DMD: variants seen among roughly 807,000 people sequenced by gnomAD.
DMD encodes dystrophin.
Under a neutral mutation model 330.1 loss-of-function variants are expected in DMD, and 63 were observed. That is an observed-to-expected ratio of 0.19 (90% CI 0.16 to 0.24). DMD has a LOEUF of 0.24. Among genes scored for constraint, DMD ranks in the 10% least tolerant of loss-of-function variants. DMD has a pLI of 1.00. For missense variants in DMD, 3,344 were observed against 2,684.1 expected, an observed-to-expected ratio of 1.25 and a Z score of -5.43; for synonymous variants, 1,223 against 959.8, an observed-to-expected ratio of 1.27 and a Z score of -5.07.
intron 60 of DMD, among the ~76,000 whole-genome samples, chrX:31,430,963 C>T (rs1369512214): frequency 2.8e-5 from 3 of 108,120 alleles, no homozygotes; most frequent in Admixed American, 1.0e-4. Flanking sequence ...CCACCATGCC[C>T]GGCTAATGTT....
At chrX:32,920,358 A>G (rs2088272299) in intron 2 of DMD, among the ~76,000 whole-genome samples, 1 of 111,850 alleles carries the variant, frequency 8.9e-6, no homozygotes, top group Non-Finnish European at 1.9e-5. Flanking sequence ...CATTTGTCTC[A>G]GAGCAATGAT....
chrX:31,894,293 T>C (rs1272399134), intron 47 of DMD, among the ~76,000 whole-genome samples: 1 of 112,125 alleles, frequency 8.9e-6, no homozygotes, highest in Non-Finnish European at 1.9e-5. Context: ...TCCTGCCAGA[T>C]AACCTGTGTA....
At chrX:32,523,886 G>A (rs2046676636) in intron 17 of DMD, among the ~76,000 whole-genome samples, 1 of 106,683 alleles carries the variant, frequency 9.4e-6, no homozygotes, top group Non-Finnish European at 1.9e-5. Context: ...AAACAAAGTT[G>A]TTTGTTTTTA....
chrX:32,700,455 G>T (rs776749674), intron 7 of DMD, among the ~76,000 whole-genome samples: 4 of 111,094 alleles, frequency 3.6e-5, no homozygotes, highest in East Asian at 2.8e-4. Flanking sequence ...CAAAATTTCA[G>T]TTAGATAGGA....
At chrX:32,366,924 A>G (rs996815442) in intron 34 of DMD, among the ~76,000 whole-genome samples, 2 of 112,433 alleles carry the variant, frequency 1.8e-5, no homozygotes, top group African/African-American at 6.5e-5. Flanking sequence ...GATGAACTCG[A>G]CAGCTATCAT....
chrX:32,123,364 C>T (rs886114651), intron 44 of DMD, among the ~76,000 whole-genome samples: 9 of 104,799 alleles, frequency 8.6e-5, no homozygotes, highest in Non-Finnish European at 1.8e-4. Flanking sequence ...CACAGATCTG[C>T]GGGCTCCACT....
intron 3 of DMD, among the ~76,000 whole-genome samples, chrX:32,848,186 G>A (rs2080845979): frequency 8.9e-6 from 1 of 111,934 alleles, no homozygotes; most frequent in African/African-American, 3.2e-5. Flanking sequence ...GCCAGGACAA[G>A]ATGAGTAAGC....
At chrX:31,261,227 T>C (rs1188841778) in intron 62 of DMD, 4 of 401,736 alleles carry the variant, frequency 1.0e-5, no homozygotes, top group Non-Finnish European at 1.7e-5. Flanking sequence ...AGAAAAGCAA[T>C]ATAAACATTA....
chrX:31,228,275 T>TAAAAAAAAAAAAAAAAAAA (rs779738772), intron 63 of DMD, among the ~76,000 whole-genome samples: 1 of 83,980 alleles, frequency 1.2e-5, no homozygotes. Context: ...AATAAAAAAA[T>TAAAAAAAAAAAAAAAAAAA]AAAAAAAAAA....
intron 62 of DMD, among the ~76,000 whole-genome samples, chrX:31,272,848 C>G (rs2051767841): frequency 8.9e-6 from 1 of 112,180 alleles, no homozygotes; most frequent in South Asian, 3.7e-4. Flanking sequence ...TTGTTTTCTT[C>G]AAATCCATAA....
intron 44 of DMD, among the ~76,000 whole-genome samples, chrX:32,187,816 G>A (rs1306791326): frequency 2.7e-5 from 3 of 110,183 alleles, no homozygotes; most frequent in Non-Finnish European, 3.8e-5. Flanking sequence ...TCAAATTCCT[G>A]GAGAAAAGAT....
At chrX:31,571,252 GGGGT>G (rs1359769371) in intron 55 of DMD, among the ~76,000 whole-genome samples, 2 of 59,674 alleles carry the variant, frequency 3.4e-5, no homozygotes, top group African/African-American at 2.1e-4. Context: ...AAGATTTAAA[GGGGT>G]GTGTGTGTGT....
chrX:32,178,870 C>T (rs1435323595), intron 44 of DMD, among the ~76,000 whole-genome samples: 2 of 91,501 alleles, frequency 2.2e-5, no homozygotes, highest in Non-Finnish European at 4.2e-5. Flanking sequence ...TGTGTACACA[C>T]GATTCTTGGA....
intron 62 of DMD, among the ~76,000 whole-genome samples, chrX:31,298,533 C>T (rs1429307216): frequency 1.8e-5 from 2 of 111,621 alleles, no homozygotes; most frequent in African/African-American, 3.3e-5. Flanking sequence ...TCCGTCTAAA[C>T]ATGAATGAGA....
chrX:33,176,404 AAGG>A (rs1041093833), intron 1 of DMD, among the ~76,000 whole-genome samples: 7 of 85,308 alleles, frequency 8.2e-5, no homozygotes, highest in African/African-American at 2.5e-4. Flanking sequence ...CAGCTGAAAT[AAGG>A]AGAAGAGTTA....
Position 32,264,782 on chromosome X carries a change from G to A in DMD, c.6290+22747C>T, listed in dbSNP as rs747374513. Among the ~76,000 whole-genome samples the A allele has an allele frequency of 5.4e-5, 6 of 111,807 alleles. No individual in the cohort carries two copies. In the East Asian group the frequency reaches 1.7e-3, roughly 32 times the overall value. On this transcript the variant is annotated intron_variant, in intron 43 of 78. Coordinates refer to ENST00000357033, the MANE Select transcript of DMD (RefSeq NM_004006.3). The stretch of plus-strand genomic sequence containing the variant: ...CTGTCCGAGAGATCTGTGGAATTTT[G>A]AACATGAGAGAGATGATTTAGGGCA...
rs373253790 is a variant in DMD, at chrX:32,844,873, C to T, written c.187-13G>A. On this transcript the variant is annotated splice_polypyrimidine_tract_variant and intron_variant, in intron 3 of 78. Transcript: ENST00000357033. Reference sequence around the variant, plus strand: ...CTTTTTCTTTTGGCTGAGAACAAAACAAAAGAGTGTTCACTGACCAGCAGA... The same window carrying T: ...CTTTTTCTTTTGGCTGAGAACAAAATAAAAGAGTGTTCACTGACCAGCAGA... The T allele has an allele frequency of 1.7e-6, 2 of 1,187,288 alleles. No individual in the cohort carries two copies. The highest frequency in any genetic ancestry group is 3.5e-5 in the African/African-American group (2 of 56,605).
chrX:31,922,495 G>GGTGTGTGTGTGTGTGT lies in DMD; in HGVS notation c.6912+7085_6912+7100dup, dbSNP rs765621749. ...GTTCCAGAGGCCTGGACTTGAGACT[G>GGTGTGTGTGTGTGTGT]GTGTGTGTGTGTGTGTGTGTGTGTG... is the stretch of plus-strand genomic sequence containing the variant. On this transcript the variant is annotated intron_variant, in intron 47 of 78. Coordinates refer to ENST00000357033, the MANE Select transcript of DMD (RefSeq NM_004006.3). Among the ~76,000 whole-genome samples the GGTGTGTGTGTGTGTGT allele has an allele frequency of 2.5e-3, 248 of 97,493 alleles. 3 individuals are homozygous for GGTGTGTGTGTGTGTGT. The highest frequency in any genetic ancestry group is 8.4e-3 in the African/African-American group (210 of 25,042). The allele number at this position is 97,493 out of a possible 115,157, so 84.7% of individuals were successfully genotyped here. A position where few individuals can be genotyped will look rare whatever the true frequency, so the allele number is the denominator to read the frequency against.
At chrX:31,516,824 G>T (rs955870882) in intron 55 of DMD, among the ~76,000 whole-genome samples, 2 of 111,659 alleles carry the variant, frequency 1.8e-5, no homozygotes, top group African/African-American at 3.3e-5. Context: ...ATGCTTTCTT[G>T]CCTCAGTATA....
Sources: allele counts gnomAD v4.1 joint callset (sites outside exome capture counted in the v4.1 genomes callset), GRCh38; gene constraint gnomAD v4.1.1; transcripts MANE v1.5; gene names NCBI Gene and HGNC (gene_info 2026-07-23, HGNC 2026-07-21).